Variants in BCO1 observed in about 807,000 individuals in gnomAD.
BCO1 encodes beta,beta-carotene 15,15'-dioxygenase.
A neutral mutation model predicts 56.3 loss-of-function variants in BCO1; 54 were observed. That is an observed-to-expected ratio of 0.96 (90% CI 0.77 to 1.20). The LOEUF (loss-of-function observed/expected upper bound fraction) is 1.20, where lower values mean the gene tolerates loss of function less well. Ranked by LOEUF, BCO1 falls within the 50% of genes most tolerant of loss-of-function variation. The pLI is 0.00. For synonymous variants in BCO1, 318 were observed against 266.1 expected (o/e 1.20, Z -1.90); for missense variants, 801 against 690.9 (o/e 1.16, Z -1.79).
chr16:81,282,377 A>C (rs181925265), intron 8 of BCO1, among the ~76,000 whole-genome samples: 210 of 152,212 alleles, frequency 1.4e-3, no homozygotes, highest in Non-Finnish European at 2.5e-3. Flanking sequence ...ACTTTGCCTC[A>C]AAACAAAAAA....
chr16:81,272,954 T>C (rs968875054), intron 7 of BCO1, among the ~76,000 whole-genome samples: 1 of 152,090 alleles, frequency 6.6e-6, no homozygotes, highest in East Asian at 1.9e-4. Flanking sequence ...CCCCAGTCTG[T>C]CTCTAAACCC....
At chr16:81,262,374 G>T in intron 4 of BCO1, 91 bp downstream of exon 4, 2 of 1,420,014 alleles carry the variant, frequency 1.4e-6, no homozygotes, top group Non-Finnish European at 2.0e-6. Context: ...CCTGCAAGCA[G>T]CTTACCAGGG....
chr16:81,245,409 AC>A, intron 1 of BCO1, 65 bp from the exon 2 acceptor site: 1 of 1,612,870 alleles, frequency 6.2e-7, no homozygotes, highest in Non-Finnish European at 8.5e-7. Flanking sequence ...CCTTTCCATG[AC>A]CATTTCTTCC....
At position 81,262,303 on chromosome 16, in the gene BCO1, C is replaced by T. The variant is rs181156113; in HGVS notation, c.471+20C>T. ...GAGAAGGTATCAACACATATGTAAC[C>T]AGCATCACTTCCTGACTCAAGAAAG... On this transcript the variant is annotated intron_variant, in intron 4 of 10. Transcript: ENST00000258168. 3.7e-6 allele frequency: 6 copies of T among 1,607,308 alleles called. No individual in the cohort carries two copies. The highest frequency in any genetic ancestry group is 4.5e-5 in the East Asian group (2 of 44,832).
chr16:81,253,114 TA>T (rs1017692991), intron 2 of BCO1, among the ~76,000 whole-genome samples: 2 of 151,682 alleles, frequency 1.3e-5, no homozygotes, highest in African/African-American at 4.8e-5. Context: ...GTCTCAAATA[TA>T]AAAAATAAAG....
At chr16:81,289,649 AAAAC>A (rs1163163394) in intron 10 of BCO1, among the ~76,000 whole-genome samples, 1 of 152,156 alleles carries the variant, frequency 6.6e-6, no homozygotes, top group Non-Finnish European at 1.5e-5. Context: ...TCAAAAAAGC[AAAAC>A]AAACAAACAA....
chr16:81,247,395 G>A lies in BCO1; in HGVS notation c.193+1792G>A, dbSNP rs569703386. On this transcript the variant is annotated intron_variant, in intron 2 of 10. Transcript: ENST00000258168. ...AAATCACCATTGACCAGGCACAGTG[G>A]CTCATGCCTGTAATCCCAACACCTT... 2.4e-4 allele frequency among the ~76,000 whole-genome samples: 37 copies of A among 152,320 alleles called. 1 individual carries two copies. The South Asian group carries it at 3.3e-3, about 14-fold the overall frequency.
At chr16:81,266,914 C>T (rs902331227) in intron 5 of BCO1, among the ~76,000 whole-genome samples, 11 of 152,198 alleles carry the variant, frequency 7.2e-5, no homozygotes, top group Non-Finnish European at 1.3e-4. Context: ...GCATCCCTCC[C>T]ACCAGCCAGC....
chr16:81,271,823 C>T (rs1907235290), intron 7 of BCO1, among the ~76,000 whole-genome samples: 1 of 152,038 alleles, frequency 6.6e-6, no homozygotes, highest in Admixed American at 6.6e-5. Flanking sequence ...AATCTCGGCT[C>T]ATTGCAACCT....
intron 8 of BCO1, among the ~76,000 whole-genome samples, chr16:81,283,076 C>T (rs1422924838): frequency 6.6e-6 from 1 of 152,190 alleles, no homozygotes; most frequent in Non-Finnish European, 1.5e-5. Context: ...TCTCTTATCC[C>T]AGAGCCCATT....
chr16:81,280,269 C>CAAAAAAAAAAAA (rs58607661), intron 7 of BCO1, among the ~76,000 whole-genome samples: 1 of 36,886 alleles, frequency 2.7e-5, no homozygotes, highest in African/African-American at 8.6e-5. Context: ...GACTCCATCT[C>CAAAAAAAAAAAA]AAAAAAAAAA....
chr16:81,264,088 G>A (rs1047397031), intron 4 of BCO1: 3 of 175,628 alleles, frequency 1.7e-5, no homozygotes, highest in Non-Finnish European at 3.7e-5. Flanking sequence ...TATTCAGCTC[G>A]TTGATCAAAC....
rs759637887 is a variant in BCO1, at chr16:81,290,613, C to T, written c.*36C>T. 6.6e-7 allele frequency: 1 copy of T among 1,503,868 alleles called. No homozygotes were observed. Among genetic ancestry groups the T allele is most frequent in the Non-Finnish European group, 9.2e-7 (1 of 1,087,876 alleles). The allele number at this position is 1,503,868 out of a possible 1,614,324, so 93.2% of individuals were successfully genotyped here. On this transcript the variant is annotated 3_prime_UTR_variant, in exon 11 of 11. Coordinates refer to ENST00000258168, the MANE Select transcript of BCO1 (RefSeq NM_017429.3). The stretch of plus-strand genomic sequence containing the variant: ...GTTTGGGTAGGGGAGGGGAGCTCGG[C>T]TGTCAGAACTCCATGGATATGTTTC...
chr16:81,268,923 G>T (rs1597364716), intron 6 of BCO1, among the ~76,000 whole-genome samples: 1 of 151,814 alleles, frequency 6.6e-6, no homozygotes, highest in Non-Finnish European at 1.5e-5. Context: ...ATGTCTCTAT[G>T]CCTGGCTAAT....
intron 2 of BCO1, among the ~76,000 whole-genome samples, chr16:81,251,052 A>G (rs922857839): frequency 4.6e-5 from 7 of 152,166 alleles, no homozygotes; most frequent in Admixed American, 4.6e-4. Context: ...AACCAAAACC[A>G]TGTTATTAAT....
chr16:81,290,301 C>A (rs1462156717), intron 10 of BCO1, 47 bp from the exon 11 acceptor site: 5 of 1,490,500 alleles, frequency 3.4e-6, no homozygotes, highest in South Asian at 2.3e-5. Flanking sequence ...ATCCCTCCGA[C>A]TGAAGCCTGC....
chr16:81,256,575 G>A (rs1343149648), intron 2 of BCO1, among the ~76,000 whole-genome samples: 5 of 152,158 alleles, frequency 3.3e-5, no homozygotes, highest in Non-Finnish European at 7.3e-5. Context: ...CCTCCCCGAG[G>A]TTTCAAACTG....
Position 81,244,373 on chromosome 16 carries a change from C to T in BCO1, c.65-1102C>T, listed in dbSNP as rs557548473. Among the ~76,000 whole-genome samples, 10 of 149,652 alleles carry T rather than the reference C, an allele frequency of 6.7e-5. No homozygotes were observed. The South Asian group carries it at 1.5e-3, about 22-fold the overall frequency. ...GTGGTATATTTTAACACAACAAATC[C>T]AAGATATTATCAGTTCAACATGAAA... On this transcript the variant is annotated intron_variant, in intron 1 of 10. Coordinates refer to ENST00000258168, the MANE Select transcript of BCO1 (RefSeq NM_017429.3).
intron 2 of BCO1, among the ~76,000 whole-genome samples, chr16:81,250,126 G>A (rs1255903621): frequency 6.6e-6 from 1 of 152,130 alleles, no homozygotes; most frequent in African/African-American, 2.4e-5. Context: ...CTCCTGAGGA[G>A]GATAGCCTGG....
Sources: allele counts gnomAD v4.1 joint callset (sites outside exome capture counted in the v4.1 genomes callset), GRCh38; gene constraint gnomAD v4.1.1; transcripts MANE v1.5; gene names NCBI Gene and HGNC (gene_info 2026-07-23, HGNC 2026-07-21).